Variants in ADGRB3 observed in about 807,000 individuals in gnomAD.
The protein encoded by ADGRB3 is adhesion G protein-coupled receptor B3, also known as brain-specific angiogenesis inhibitor 3.
ADGRB3 carries 37 observed loss-of-function variants against 193.4 expected under a neutral mutation model. The ratio of observed to expected loss-of-function variants is 0.19; its 90% confidence interval spans 0.15 to 0.25. The LOEUF (loss-of-function observed/expected upper bound fraction) is 0.25, where lower values mean the gene tolerates loss of function less well. Ranked by LOEUF, ADGRB3 falls within the 10% of genes least tolerant of loss-of-function variation. ADGRB3 has a pLI of 1.00. For synonymous variants in ADGRB3, 690 were observed against 644.2 expected (o/e 1.07, Z -1.08); for missense variants, 1,637 against 1,852.9 (o/e 0.88, Z 2.14).
intron 17 of ADGRB3, among the ~76,000 whole-genome samples, chr6:69,210,752 C>G (rs1387689619): frequency 2.0e-5 from 3 of 152,024 alleles, no homozygotes; most frequent in African/African-American, 4.8e-5. Flanking sequence ...TTTCAACATG[C>G]GTTTTGGAGG....
Position 69,361,450 on chromosome 6 carries a change from G to A in ADGRB3, c.4177G>A (p.Asp1393Asn). 1 of 1,612,816 alleles carries A rather than the reference G, an allele frequency of 6.2e-7. No individual in the cohort carries two copies. The highest frequency in any genetic ancestry group is 8.5e-7 in the Non-Finnish European group (1 of 1,179,112). Residue 1393 changes from aspartate to asparagine, a missense_variant, in exon 29 of 32, where the codon GAT becomes AAT. By Grantham distance (23) the Asp-to-Asn change is conservative. Coordinates refer to ENST00000370598, the MANE Select transcript of ADGRB3 (RefSeq NM_001704.3). ...GAAGAATTTCATGGCCTCTGAGTTG[G>A]ATGATAATGCAGGACTATCAAGAAG... is the stretch of plus-strand genomic sequence containing the variant. Reference protein sequence around the residue: ...AVKNFMASELDDNAGLSRSET... With the variant: ...AVKNFMASELNDNAGLSRSET...
intron 3 of ADGRB3, among the ~76,000 whole-genome samples, chr6:68,897,489 G>T (rs1766256079): frequency 9.0e-6 from 1 of 111,016 alleles, no homozygotes; most frequent in Non-Finnish European, 2.0e-5. Context: ...GATGGAGGAA[G>T]GGAGGGAGGG....
chr6:68,777,489 C>G (rs374981892), intron 3 of ADGRB3, among the ~76,000 whole-genome samples: 73 of 151,764 alleles, frequency 4.8e-4, no homozygotes, highest in African/African-American at 1.6e-3. Flanking sequence ...CCCATATTAA[C>G]GACCAGTAAT....
chr6:69,237,615 A>G (rs553007919), intron 19 of ADGRB3, among the ~76,000 whole-genome samples: 304 of 152,182 alleles, frequency 2.0e-3, no homozygotes, highest in African/African-American at 6.8e-3. Flanking sequence ...AGAAACATAT[A>G]AAAACTTCAG....
At chr6:68,733,094 T>C (rs1367309441) in intron 3 of ADGRB3, among the ~76,000 whole-genome samples, 1 of 151,728 alleles carries the variant, frequency 6.6e-6, no homozygotes, top group African/African-American at 2.4e-5. Flanking sequence ...ATAGAACTAC[T>C]GTTCCACCTG....
At chr6:68,993,549 C>T (rs1430470714) in intron 10 of ADGRB3, among the ~76,000 whole-genome samples, 1 of 152,134 alleles carries the variant, frequency 6.6e-6, no homozygotes, top group East Asian at 1.9e-4. Context: ...GCAAGTTTGT[C>T]AAGCCTGCCG....
At chr6:69,319,822 A>T (rs1252286204) in intron 20 of ADGRB3, among the ~76,000 whole-genome samples, 1 of 151,430 alleles carries the variant, frequency 6.6e-6, no homozygotes, top group Non-Finnish European at 1.5e-5. Context: ...GGTTTGAAGT[A>T]TGTCACATAA....
intron 17 of ADGRB3, among the ~76,000 whole-genome samples, chr6:69,138,795 A>C (rs2150336970): frequency 6.6e-6 from 1 of 152,344 alleles, no homozygotes; most frequent in South Asian, 2.1e-4. Context: ...AGAACAGCTA[A>C]ATGAAGAAAT....
intron 6 of ADGRB3, among the ~76,000 whole-genome samples, chr6:68,954,376 C>T (rs1768013357): frequency 6.6e-6 from 1 of 152,136 alleles, no homozygotes; most frequent in African/African-American, 2.4e-5. Context: ...TGAATTAATA[C>T]ATGAATCTCA....
At chr6:69,279,708 A>G (rs1296088325) in intron 20 of ADGRB3, among the ~76,000 whole-genome samples, 1 of 152,100 alleles carries the variant, frequency 6.6e-6, no homozygotes, top group Non-Finnish European at 1.5e-5. Flanking sequence ...TTGGCCTGAT[A>G]TGCCTGATTT....
At chr6:68,788,261 A>G (rs1767019212) in intron 3 of ADGRB3, among the ~76,000 whole-genome samples, 1 of 151,848 alleles carries the variant, frequency 6.6e-6, no homozygotes, top group South Asian at 2.1e-4. Flanking sequence ...TGTCAATTTT[A>G]GATCTTTCCT....
At chr6:69,157,322 A>G (rs545015912) in intron 17 of ADGRB3, among the ~76,000 whole-genome samples, 5 of 152,314 alleles carry the variant, frequency 3.3e-5, no homozygotes, top group African/African-American at 1.2e-4. Flanking sequence ...ACCTAGGGAC[A>G]TAGGTGTTTG....
chr6:68,959,957 C>A (rs2150258330), intron 8 of ADGRB3, among the ~76,000 whole-genome samples: 1 of 152,208 alleles, frequency 6.6e-6, no homozygotes, highest in Non-Finnish European at 1.5e-5. Flanking sequence ...TTAATTGCTA[C>A]AATGTCATAC....
chr6:69,206,045 G>GTATATATTTATATATATATACATA (rs1554169619), intron 17 of ADGRB3, among the ~76,000 whole-genome samples: 3 of 99,950 alleles, frequency 3.0e-5, no homozygotes, highest in Admixed American at 1.1e-4. Flanking sequence ...TATAATAATG[G>GTATATATTTATATATATATACATA]TATATATATA....
chr6:68,915,353 G>C (rs1766848787), intron 3 of ADGRB3, among the ~76,000 whole-genome samples: 1 of 152,164 alleles, frequency 6.6e-6, no homozygotes. Context: ...CCACATGGCA[G>C]GATGGGCTGA....
chr6:68,907,574 T>C (rs1361019235), intron 3 of ADGRB3, among the ~76,000 whole-genome samples: 1 of 151,936 alleles, frequency 6.6e-6, no homozygotes, highest in African/African-American at 2.4e-5. Flanking sequence ...TAAAATAATT[T>C]TAATTAAGTA....
chr6:69,328,566 A>C (rs1188501674), intron 22 of ADGRB3, among the ~76,000 whole-genome samples: 1 of 152,150 alleles, frequency 6.6e-6, no homozygotes, highest in Non-Finnish European at 1.5e-5. Flanking sequence ...AGAAATGTGC[A>C]TCTTATTAAA....
intron 3 of ADGRB3, among the ~76,000 whole-genome samples, chr6:68,686,792 A>C (rs1764990163): frequency 6.6e-6 from 1 of 152,140 alleles, no homozygotes; most frequent in South Asian, 2.1e-4. Context: ...CTCCTTTCTT[A>C]AAATAAGTCA....
intron 3 of ADGRB3, among the ~76,000 whole-genome samples, chr6:68,720,771 A>T (rs957117802): frequency 6.6e-6 from 1 of 151,758 alleles, no homozygotes; most frequent in Non-Finnish European, 1.5e-5. Flanking sequence ...TATGGGAAAC[A>T]CTCGCCTGAC....
Sources: gnomAD v4.1 joint callset for allele counts (sites outside exome capture counted in the v4.1 genomes callset) on GRCh38, gnomAD v4.1.1 for gene constraint, MANE v1.5 for transcripts, NCBI Gene and HGNC (gene_info 2026-07-23, HGNC 2026-07-21) for gene names.